The following ZNF804B variants were observed in gnomAD, a reference collection of about 807,000 sequenced individuals.
ZNF804B encodes zinc finger protein 804B.
ZNF804B carries 80 observed loss-of-function variants against 101.4 expected under a neutral mutation model. That is an observed-to-expected ratio of 0.79 (90% CI 0.66 to 0.95). The LOEUF (loss-of-function observed/expected upper bound fraction) is 0.95. Ranked by LOEUF, ZNF804B falls within the 40% of genes least tolerant of loss-of-function variation. ZNF804B has a pLI of 0.00. For synonymous variants in ZNF804B, 622 were observed against 558.8 expected, an observed-to-expected ratio of 1.11 and a Z score of -1.59; for missense variants, 1,673 against 1,561.9, an observed-to-expected ratio of 1.07 and a Z score of -1.20.
At chr7:89,273,369 T>C (rs1789928170) in intron 2 of ZNF804B, among the ~76,000 whole-genome samples, 1 of 152,124 alleles carries the variant, frequency 6.6e-6, no homozygotes, top group African/African-American at 2.4e-5. Context: ...TAATGACATC[T>C]CAAGGGTTAT....
rs1790825804 is a variant in ZNF804B at position 88,813,537 on chromosome 7, G to GT, written c.108+53458dup. Among the ~76,000 whole-genome samples the GT allele has an allele frequency of 3.3e-5, 5 of 151,746 alleles. No homozygotes were observed. In the South Asian group the frequency reaches 1.0e-3, roughly 32 times the overall value. ...TAGACTAAGGTTTCTTACTGTAGTT[G>GT]TTTTTACATGGCATCAATTTCTTCA... On this transcript the variant is annotated intron_variant, in intron 1 of 3. Coordinates refer to ENST00000333190, the MANE Select transcript of ZNF804B (RefSeq NM_181646.5).
chr7:89,046,787 C>T (rs1275840387), intron 1 of ZNF804B, among the ~76,000 whole-genome samples: 1 of 151,730 alleles, frequency 6.6e-6, no homozygotes, highest in African/African-American at 2.4e-5. Context: ...TACCCTATTA[C>T]TTATCATTTT....
At chr7:88,821,744 T>G (rs1241766790) in intron 1 of ZNF804B, among the ~76,000 whole-genome samples, 2 of 152,196 alleles carry the variant, frequency 1.3e-5, no homozygotes, top group Non-Finnish European at 2.9e-5. Flanking sequence ...GTTTTAAAAG[T>G]ATCTGTTTTG....
At chr7:89,281,062 A>G (rs1790086699) in intron 2 of ZNF804B, among the ~76,000 whole-genome samples, 1 of 152,198 alleles carries the variant, frequency 6.6e-6, no homozygotes, top group South Asian at 2.1e-4. Context: ...TAACAGCATA[A>G]TTGTATTCTG....
intron 1 of ZNF804B, among the ~76,000 whole-genome samples, chr7:88,868,315 A>C (rs1053027302): frequency 2.0e-5 from 3 of 152,112 alleles, no homozygotes; most frequent in Admixed American, 2.0e-4. Context: ...CTCATGAACC[A>C]ACTGGGCTAT....
intron 1 of ZNF804B, among the ~76,000 whole-genome samples, chr7:89,111,110 A>G (rs986799250): frequency 6.6e-6 from 1 of 152,142 alleles, no homozygotes; most frequent in African/African-American, 2.4e-5. Context: ...TGGATACACC[A>G]CAGTTTATCT....
At chr7:89,076,123 T>C (rs1583972380) in intron 1 of ZNF804B, among the ~76,000 whole-genome samples, 1 of 152,238 alleles carries the variant, frequency 6.6e-6, no homozygotes, top group East Asian at 1.9e-4. Flanking sequence ...GAGTTAATGC[T>C]GAAATGAGTT....
chr7:89,327,022 C>T (rs908261553), intron 2 of ZNF804B, among the ~76,000 whole-genome samples: 1 of 151,926 alleles, frequency 6.6e-6, no homozygotes, highest in African/African-American at 2.4e-5. Flanking sequence ...CATACTCATT[C>T]ATATATTGCA....
At chr7:89,293,104 C>CTTT (rs143746152) in intron 2 of ZNF804B, among the ~76,000 whole-genome samples, 3,421 of 151,624 alleles carry the variant, frequency 0.023, 120 homozygotes, top group African/African-American at 0.078. Context: ...ATCTTCTGAA[C>CTTT]TTTTGAATGT....
intron 1 of ZNF804B, among the ~76,000 whole-genome samples, chr7:88,985,202 G>T (rs1273786158): frequency 6.7e-6 from 1 of 149,294 alleles, no homozygotes; most frequent in Admixed American, 6.7e-5. Context: ...TTGAAAACTG[G>T]ATTTTTAAAT....
chr7:89,133,516 T>C (rs537959316), intron 1 of ZNF804B, among the ~76,000 whole-genome samples: 1 of 152,124 alleles, frequency 6.6e-6, no homozygotes, highest in Non-Finnish European at 1.5e-5. Context: ...ATTGCCTTCA[T>C]GAGACTGGTA....
At chr7:89,060,823 TA>T (rs1475412458) in intron 1 of ZNF804B, among the ~76,000 whole-genome samples, 6 of 152,174 alleles carry the variant, frequency 3.9e-5, no homozygotes, top group Non-Finnish European at 8.8e-5. Context: ...TGCATGTACA[TA>T]AAAAACACTG....
intron 1 of ZNF804B, among the ~76,000 whole-genome samples, chr7:88,864,951 G>A (rs767658231): frequency 6.6e-5 from 10 of 152,100 alleles, no homozygotes; most frequent in Non-Finnish European, 1.0e-4. Flanking sequence ...TAACTTGGCC[G>A]GACACAGTGG....
At chr7:89,289,669 C>T (rs1790256862) in intron 2 of ZNF804B, among the ~76,000 whole-genome samples, 1 of 152,052 alleles carries the variant, frequency 6.6e-6, no homozygotes, top group African/African-American at 2.4e-5. Context: ...TTAGACCAGC[C>T]CTACACGAAG....
intron 1 of ZNF804B, among the ~76,000 whole-genome samples, chr7:88,766,377 T>C (rs1789983746): frequency 6.6e-6 from 1 of 152,184 alleles, no homozygotes; most frequent in South Asian, 2.1e-4. Flanking sequence ...GCTAATGATA[T>C]TAATTTTCCT....
chr7:88,856,286 C>T (rs1791558165), intron 1 of ZNF804B, among the ~76,000 whole-genome samples: 1 of 152,052 alleles, frequency 6.6e-6, no homozygotes, highest in Non-Finnish European at 1.5e-5. Context: ...TTTCCTTGAG[C>T]AGTGGTTTGT....
intron 1 of ZNF804B, among the ~76,000 whole-genome samples, chr7:88,892,832 T>A (rs1423560721): frequency 2.0e-5 from 3 of 152,164 alleles, no homozygotes; most frequent in African/African-American, 7.2e-5. Context: ...CAATTTCAGA[T>A]TTGAAATTTC....
At chr7:89,310,419 C>T (rs1012506275) in intron 2 of ZNF804B, among the ~76,000 whole-genome samples, 1 of 152,116 alleles carries the variant, frequency 6.6e-6, no homozygotes, top group Admixed American at 6.6e-5. Context: ...ATAAGATGAA[C>T]ATGATCTAAA....
intron 1 of ZNF804B, among the ~76,000 whole-genome samples, chr7:88,791,623 C>G (rs1430852239): frequency 6.6e-6 from 1 of 151,890 alleles, no homozygotes; most frequent in African/African-American, 2.4e-5. Flanking sequence ...GTTGAATATA[C>G]CCCCTATTGC....
Sources: allele counts gnomAD v4.1 joint callset (sites outside exome capture counted in the v4.1 genomes callset), GRCh38; gene constraint gnomAD v4.1.1; transcripts MANE v1.5; gene names NCBI Gene and HGNC (gene_info 2026-07-23, HGNC 2026-07-21).